The following NADK2 variants were observed in gnomAD, a reference collection of about 807,000 sequenced individuals.
The protein encoded by NADK2 is NAD kinase domain-containing protein 1, mitochondrial.
In NADK2, 35 loss-of-function variants were observed where a neutral mutation model predicts 62.1. That is an observed-to-expected ratio of 0.56 (90% CI 0.43 to 0.75). NADK2 has a LOEUF of 0.75. Among genes scored for constraint, NADK2 ranks in the 30% least tolerant of loss-of-function variants. NADK2 has a pLI of 0.00. For missense variants in NADK2, 439 were observed against 561.3 expected, an observed-to-expected ratio of 0.78 and a Z score of 2.20; for synonymous variants, 205 against 207.9, an observed-to-expected ratio of 0.99 and a Z score of 0.12.
At position 36,241,419 on chromosome 5, in the gene NADK2, G is replaced by GAA; in HGVS notation, c.300+79_300+80insTT. ...GGTGCCCTGGGAAGAGTCGTCCCGA[G>GAA]AGGTCCCCCCGAGGGGGCGCAGCCG... is the stretch of plus-strand genomic sequence containing the variant. On this transcript the variant is annotated intron_variant, in intron 1 of 11. Transcript: ENST00000381937. This position sits in a 1 kb window ranked among gnomAD's most constrained non-coding sequence, Gnocchi z 4.9. 7.0e-7 allele frequency: 1 copy of GAA among 1,432,818 alleles called. No homozygotes were observed. Among genetic ancestry groups the GAA allele is most frequent in the South Asian group, 1.3e-5 (1 of 74,240 alleles). The allele number at this position is 1,432,818 out of a possible 1,614,324, so 88.8% of individuals were successfully genotyped here. A position where few individuals can be genotyped will look rare whatever the true frequency, so the allele number is the denominator to read the frequency against.
intron 7 of NADK2, among the ~76,000 whole-genome samples, chr5:36,208,230 C>T (rs1239542830): frequency 6.6e-6 from 1 of 152,054 alleles, no homozygotes; most frequent in African/African-American, 2.4e-5. Context: ...AATACAACTC[C>T]TTTTCACTTT....
chr5:36,237,641 T>G (rs1561078740), intron 1 of NADK2, among the ~76,000 whole-genome samples: 1 of 152,202 alleles, frequency 6.6e-6, no homozygotes, highest in Non-Finnish European at 1.5e-5. Context: ...AGTTTGAAAT[T>G]GCTAGAATAT....
chr5:36,200,370 A>G, intron 9 of NADK2, 90 bp from the exon 10 acceptor site: 4 of 663,874 alleles, frequency 6.0e-6, no homozygotes, highest in South Asian at 7.7e-5. Context: ...AAAATGCTTA[A>G]AGTGTATATG....
At chr5:36,231,631 A>G (rs946472446) in intron 1 of NADK2, among the ~76,000 whole-genome samples, 1 of 152,250 alleles carries the variant, frequency 6.6e-6, no homozygotes, top group Non-Finnish European at 1.5e-5. Context: ...CTTACATTCA[A>G]TCGCCACAGC....
chr5:36,240,444 G>A (rs1191261064), intron 1 of NADK2, among the ~76,000 whole-genome samples: 2 of 152,198 alleles, frequency 1.3e-5, no homozygotes, highest in Non-Finnish European at 2.9e-5. Context: ...GTTTCCAACA[G>A]GTTGTCTAGT....
intron 6 of NADK2, among the ~76,000 whole-genome samples, chr5:36,217,440 CTTTT>C (rs543507795): frequency 6.7e-6 from 1 of 148,238 alleles, no homozygotes; most frequent in East Asian, 2.0e-4. Flanking sequence ...ATCTCTACTG[CTTTT>C]TTTTTTGACA....
intron 7 of NADK2, chr5:36,208,688 A>G: frequency 6.5e-7 from 1 of 1,530,196 alleles, no homozygotes; most frequent in Non-Finnish European, 8.8e-7. Context: ...AGAATAAGAC[A>G]TTCTAGGTTA....
intron 1 of NADK2, among the ~76,000 whole-genome samples, chr5:36,229,284 G>T (rs976297306): frequency 6.6e-6 from 1 of 152,132 alleles, no homozygotes; most frequent in Non-Finnish European, 1.5e-5. Flanking sequence ...AACTTACCAA[G>T]ATATACTATA....
intron 8 of NADK2, among the ~76,000 whole-genome samples, chr5:36,204,150 A>G (rs766668443): frequency 1.1e-4 from 16 of 152,196 alleles, no homozygotes; most frequent in Admixed American, 2.0e-4. Context: ...GGATTAATTA[A>G]TATATAAACG....
chr5:36,212,295 C>A (rs78085400), intron 6 of NADK2: 8 of 154,974 alleles, frequency 5.2e-5, no homozygotes, highest in African/African-American at 1.9e-4. Flanking sequence ...TGGATTTAAG[C>A]AGCAAATGAC....
chr5:36,207,427 T>A (rs1328241318), intron 7 of NADK2, among the ~76,000 whole-genome samples, 162 bp from the exon 8 acceptor site: 2 of 143,416 alleles, frequency 1.4e-5, no homozygotes, highest in African/African-American at 5.1e-5. Flanking sequence ...ACTGATTAAG[T>A]GAAAAAGTTA....
intron 1 of NADK2, among the ~76,000 whole-genome samples, chr5:36,240,768 G>A (rs558322504): frequency 7.4e-4 from 113 of 152,236 alleles, no homozygotes; most frequent in Non-Finnish European, 1.4e-3. Context: ...AGAGTCGCAG[G>A]CTTTTTTATT....
At position 36,241,653 on chromosome 5, in the gene NADK2, T is replaced by A. The variant is rs1189797145; in HGVS notation, c.146A>T (p.Gln49Leu). 7.9e-7 allele frequency: 1 copy of A among 1,262,592 alleles called. No homozygotes were observed. Among genetic ancestry groups the A allele is most frequent in the African/African-American group, 1.6e-5 (1 of 63,616 alleles). 78.2% of individuals were successfully genotyped at this position (1,262,592 alleles called of 1,614,324 possible). A position where few individuals can be genotyped will look rare whatever the true frequency, so the allele number is the denominator to read the frequency against. ...GCCCGCCAGCTCGCGCGGCTGCCCC[T>A]GCCCCAGGTGCCGCCGGCCGCCACC... ...GDGGGRRHLG[Q>L]GQPRELAGCG... The change falls in exon 1 of 12, where the codon CAG becomes CTG. Residue 49 changes from glutamine to leucine, a missense_variant. By Grantham distance (113) the Gln-to-Leu change is moderately radical. Transcript: ENST00000381937. This position sits in a 1 kb window ranked among gnomAD's most constrained non-coding sequence, Gnocchi z 4.9.
At position 36,219,585 on chromosome 5, in the gene NADK2, G is replaced by C; in HGVS notation, c.644+11C>G. 1 of 1,608,616 alleles carries C rather than the reference G, an allele frequency of 6.2e-7. No individual in the cohort carries two copies. Among genetic ancestry groups the C allele is most frequent in the Non-Finnish European group, 8.5e-7 (1 of 1,175,574 alleles). On this transcript the variant is annotated intron_variant, in intron 5 of 11. Transcript: ENST00000381937. ...GATACTTACATAAGAACAACCGTAA[G>C]AAATTCCTACCTGAACTCACCACGA...
chr5:36,228,004 G>A lies in NADK2; in HGVS notation c.301-439C>T, dbSNP rs1323778774. Among the ~76,000 whole-genome samples the A allele has an allele frequency of 7.2e-5, 11 of 152,054 alleles. No individual in the cohort carries two copies. In the East Asian group the frequency reaches 1.9e-3, roughly 27 times the overall value. ...AACACACTGCATATGGCTACTTGATGACCAAAGATAAACTAATACTTGTAG... is the reference window on the plus strand; with the variant it reads ...AACACACTGCATATGGCTACTTGATAACCAAAGATAAACTAATACTTGTAG... On this transcript the variant is annotated intron_variant, in intron 1 of 11. Transcript: ENST00000381937.
intron 1 of NADK2, among the ~76,000 whole-genome samples, chr5:36,234,510 T>G (rs1159792139): frequency 6.6e-6 from 1 of 152,166 alleles, no homozygotes; most frequent in African/African-American, 2.4e-5. Flanking sequence ...TGACTAACTT[T>G]TAAAAGACAC....
At chr5:36,222,520 A>C (rs1419820405) in intron 4 of NADK2, among the ~76,000 whole-genome samples, 1 of 152,266 alleles carries the variant, frequency 6.6e-6, no homozygotes, top group Non-Finnish European at 1.5e-5. Context: ...ACATATGAGG[A>C]CAGGTGAAAC....
At chr5:36,203,890 G>A (rs1746538351) in intron 8 of NADK2, among the ~76,000 whole-genome samples, 1 of 151,998 alleles carries the variant, frequency 6.6e-6, no homozygotes, top group South Asian at 2.1e-4. Context: ...TTTCAACTAT[G>A]TGACCTCTAT....
rs1747624297 is a variant in NADK2 at position 36,229,500 on chromosome 5, A to G, written c.301-1935T>C. 8.5e-5 allele frequency among the ~76,000 whole-genome samples: 13 copies of G among 152,130 alleles called. No individual in the cohort carries two copies. In the South Asian group the frequency reaches 2.7e-3, roughly 32 times the overall value. On this transcript the variant is annotated intron_variant, in intron 1 of 11. Coordinates refer to ENST00000381937, the MANE Select transcript of NADK2 (RefSeq NM_001085411.3). ...TTTAGAGTAGAATTTCTTAATATGG[A>G]CCAACAGAGCATGAATATTCAGATT...
Sources: gnomAD v4.1 joint callset for allele counts (sites outside exome capture counted in the v4.1 genomes callset) on GRCh38, gnomAD v4.1.1 for gene constraint, Gnocchi (gnomAD v3.1) non-coding constraint, MANE v1.5 for transcripts, NCBI Gene and HGNC (gene_info 2026-07-23, HGNC 2026-07-21) for gene names.